Variants in FAAH2 observed in about 807,000 individuals in gnomAD.
The protein encoded by FAAH2 is fatty-acid amide hydrolase 2.
Under a neutral mutation model 36.9 loss-of-function variants are expected in FAAH2, and 60 were observed. The observed-to-expected ratio is 1.63, with a 90% CI of 1.32 to 2.02. The LOEUF (loss-of-function observed/expected upper bound fraction) is 2.02. Ranked by LOEUF, FAAH2 falls within the 30% of genes most tolerant of loss-of-function variation. FAAH2 has a pLI of 0.00. For missense variants in FAAH2, 689 were observed against 397.5 expected (o/e 1.73, Z -6.23); for synonymous variants, 214 against 143.8 (o/e 1.49, Z -3.49).
the FAAH2 span, among the ~76,000 whole-genome samples, chrX:57,279,941 T>C: frequency 1.6e-3 from 178 of 112,016 alleles, 1 homozygote; most frequent in Middle Eastern, 0.014. Context: ...AAGACATTGA[T>C]TCCCTCTCTG....
At chrX:57,386,754 G>A (rs751349726) in intron 7 of FAAH2, among the ~76,000 whole-genome samples, 1 of 111,838 alleles carries the variant, frequency 8.9e-6, no homozygotes, top group Non-Finnish European at 1.9e-5. Flanking sequence ...TTCCTAAATG[G>A]GTTTTTTCAC....
intron 10 of FAAH2, among the ~76,000 whole-genome samples, chrX:57,477,399 A>G (rs1161490939): frequency 9.0e-6 from 1 of 111,142 alleles, no homozygotes; most frequent in African/African-American, 3.3e-5. Context: ...GTAGAAAAAA[A>G]TCTGGACTAC....
chrX:57,163,629 T>A, the FAAH2 span, among the ~76,000 whole-genome samples: 2 of 111,887 alleles, frequency 1.8e-5, no homozygotes, highest in Non-Finnish European at 3.8e-5. Flanking sequence ...ATTTTCCAGG[T>A]GCTGTCCATC....
At chrX:57,208,020 TG>T in the FAAH2 span, among the ~76,000 whole-genome samples, 1 of 112,632 alleles carries the variant, frequency 8.9e-6, no homozygotes, top group African/African-American at 3.2e-5. Context: ...CCTGTTGATC[TG>T]GGGGGTGTAT....
At chrX:57,458,999 A>G (rs910439334) in intron 10 of FAAH2, among the ~76,000 whole-genome samples, 1 of 111,824 alleles carries the variant, frequency 8.9e-6, no homozygotes. Context: ...AAAGAGGGAA[A>G]GGGGGCTGAA....
At chrX:57,442,056 G>A (rs1452600741) in intron 8 of FAAH2, among the ~76,000 whole-genome samples, 2 of 111,746 alleles carry the variant, frequency 1.8e-5, no homozygotes, top group African/African-American at 6.5e-5. Context: ...GAATAAGTGT[G>A]ATGTGGTGCT....
At chrX:57,265,990 G>C in the FAAH2 span, among the ~76,000 whole-genome samples, 2 of 111,273 alleles carry the variant, frequency 1.8e-5, no homozygotes, top group Non-Finnish European at 3.8e-5. Context: ...CAGGGGTAGG[G>C]GTGGGCCGCC....
intron 3 of FAAH2, among the ~76,000 whole-genome samples, chrX:57,323,283 A>G (rs1294873891): frequency 9.0e-6 from 1 of 111,539 alleles, no homozygotes; most frequent in Non-Finnish European, 1.9e-5. Context: ...GAATAGTGTC[A>G]CAATAAACAT....
intron 1 of FAAH2, 127 bp downstream of exon 1, chrX:57,287,144 T>A: frequency 1.4e-6 from 1 of 695,095 alleles, no homozygotes; most frequent in Non-Finnish European, 2.0e-6. Context: ...AGGCATTTAT[T>A]GGGGATGAAG....
chrX:57,481,784 C>T (rs1459251292), intron 10 of FAAH2, among the ~76,000 whole-genome samples: 2 of 112,272 alleles, frequency 1.8e-5, no homozygotes, highest in Non-Finnish European at 3.8e-5. Flanking sequence ...GAGAATCCCT[C>T]TTGTCAGGAT....
At chrX:57,169,895 AAC>A in the FAAH2 span, among the ~76,000 whole-genome samples, 6 of 103,106 alleles carry the variant, frequency 5.8e-5, no homozygotes, top group Non-Finnish European at 5.9e-5. Flanking sequence ...CACACACACA[AAC>A]ACACACACAC....
At chrX:57,223,922 AG>A in the FAAH2 span, among the ~76,000 whole-genome samples, 2 of 111,539 alleles carry the variant, frequency 1.8e-5, no homozygotes, top group Admixed American at 1.9e-4. Context: ...CTCAATTCTC[AG>A]GCAAAGTTGA....
the FAAH2 span, among the ~76,000 whole-genome samples, chrX:57,240,097 A>G: frequency 8.9e-6 from 1 of 112,216 alleles, no homozygotes; most frequent in Non-Finnish European, 1.9e-5. Context: ...GGATAAGAAG[A>G]CATTCTGGCT....
the FAAH2 span, among the ~76,000 whole-genome samples, chrX:57,139,582 T>C: frequency 9.0e-6 from 1 of 111,057 alleles, no homozygotes; most frequent in African/African-American, 3.3e-5. Context: ...GCCTCCCGAG[T>C]AGCTGGAACC....
chrX:57,349,880 G>A (rs1288637848), intron 5 of FAAH2, among the ~76,000 whole-genome samples: 1 of 110,459 alleles, frequency 9.1e-6, no homozygotes, highest in Non-Finnish European at 1.9e-5. Context: ...CTACCAAGAG[G>A]TTTAGACATC....
chrX:57,154,086 A>T, the FAAH2 span, among the ~76,000 whole-genome samples: 3 of 111,498 alleles, frequency 2.7e-5, no homozygotes, highest in African/African-American at 9.8e-5. Context: ...TGTTGGATTG[A>T]ATTAAAGCAA....
intron 7 of FAAH2, among the ~76,000 whole-genome samples, chrX:57,419,026 G>T (rs923162282): frequency 1.0e-4 from 11 of 105,683 alleles, no homozygotes; most frequent in Non-Finnish European, 1.8e-4. Context: ...TTTCATCCAT[G>T]TCCCTACAAA....
intron 7 of FAAH2, among the ~76,000 whole-genome samples, chrX:57,404,564 G>C (rs1471155764): frequency 9.0e-6 from 1 of 111,669 alleles, no homozygotes; most frequent in East Asian, 2.8e-4. Context: ...AGAGTTGTAT[G>C]CCTAAATTGG....
the FAAH2 span, among the ~76,000 whole-genome samples, chrX:57,192,055 C>A: frequency 3.6e-5 from 4 of 111,771 alleles, no homozygotes; most frequent in East Asian, 8.4e-4. Flanking sequence ...CTATAGATTG[C>A]TTTGGGTAAT....
Sources: gnomAD v4.1 joint callset for allele counts (sites outside exome capture counted in the v4.1 genomes callset) on GRCh38, gnomAD v4.1.1 for gene constraint, MANE v1.5 for transcripts, NCBI Gene and HGNC (gene_info 2026-07-23, HGNC 2026-07-21) for gene names.